The following RARB variants were observed in gnomAD, a reference collection of about 807,000 sequenced individuals.
RARB encodes HBV-activated protein.
In RARB, 17 loss-of-function variants were observed where a neutral mutation model predicts 51.9. That is an observed-to-expected ratio of 0.33 (90% CI 0.22 to 0.49). The LOEUF is 0.49. Ranked by LOEUF, RARB falls within the 20% of genes least tolerant of loss-of-function variation. The probability of loss-of-function intolerance (pLI) is 0.99; values close to 1 mark genes in which losing one functional copy is unlikely to be tolerated. For missense variants in RARB, 369 were observed against 550.8 expected, an observed-to-expected ratio of 0.67 and a Z score of 3.30; for synonymous variants, 215 against 195.4, an observed-to-expected ratio of 1.10 and a Z score of -0.84.
At chr3:24,896,470 A>AG in intron 2 of RARB, among the ~76,000 whole-genome samples, 1 of 152,206 alleles carries the variant, frequency 6.6e-6, no homozygotes, top group South Asian at 2.1e-4. Context: ...AGTGTTAGCC[A>AG]GGATGGTCTC....
At chr3:25,312,390 T>G (rs1704312179) in intron 5 of RARB, among the ~76,000 whole-genome samples, 1 of 152,120 alleles carries the variant, frequency 6.6e-6, no homozygotes, top group Non-Finnish European at 1.5e-5. Context: ...GACCTAAGAT[T>G]TTGAGAAGTT....
At chr3:25,245,175 C>T (rs1366764380) in intron 5 of RARB, among the ~76,000 whole-genome samples, 2 of 152,068 alleles carry the variant, frequency 1.3e-5, no homozygotes, top group Non-Finnish European at 1.5e-5. Context: ...TCCTCCATCC[C>T]TTTATTTTGA....
At chr3:24,970,422 T>C (rs1382377491) in intron 2 of RARB, among the ~76,000 whole-genome samples, 1 of 152,034 alleles carries the variant, frequency 6.6e-6, no homozygotes, top group Non-Finnish European at 1.5e-5. Context: ...TCTTTATAAT[T>C]AGTCCATACT....
At chr3:25,537,050 G>A (rs962865339) in intron 3 of RARB, among the ~76,000 whole-genome samples, 21 of 152,210 alleles carry the variant, frequency 1.4e-4, no homozygotes, top group African/African-American at 4.1e-4. Flanking sequence ...AGCTGACTCC[G>A]GGGCCTCTCT....
At chr3:25,228,227 T>G (rs1053316097) in intron 5 of RARB, among the ~76,000 whole-genome samples, 22 of 151,126 alleles carry the variant, frequency 1.5e-4, no homozygotes, top group Admixed American at 1.3e-3. Context: ...GTTTTTTTTT[T>G]TTTTTTTTTT....
intron 4 of RARB, among the ~76,000 whole-genome samples, chr3:25,156,421 G>A (rs753940932): frequency 2.3e-4 from 33 of 142,474 alleles, no homozygotes; most frequent in Non-Finnish European, 4.2e-4. Flanking sequence ...TCATGGAAAT[G>A]TGGCCATTCA....
chr3:25,069,685 T>A (rs1698730673), intron 3 of RARB, among the ~76,000 whole-genome samples: 1 of 152,186 alleles, frequency 6.6e-6, no homozygotes, highest in African/African-American at 2.4e-5. Flanking sequence ...ATCTGGCATA[T>A]GTCAAGAACA....
chr3:25,196,974 G>C (rs1398106839), intron 5 of RARB, among the ~76,000 whole-genome samples: 1 of 152,088 alleles, frequency 6.6e-6, no homozygotes, highest in South Asian at 2.1e-4. Flanking sequence ...TTAGCCCTTT[G>C]TCAGATGGAT....
At chr3:25,380,820 C>T (rs1220661358) in intron 5 of RARB, among the ~76,000 whole-genome samples, 1 of 152,148 alleles carries the variant, frequency 6.6e-6, no homozygotes, top group Non-Finnish European at 1.5e-5. Flanking sequence ...ATTCACTCAT[C>T]GTGACTGGTT....
At chr3:24,959,157 C>G (rs1028141730) in intron 2 of RARB, among the ~76,000 whole-genome samples, 2 of 152,212 alleles carry the variant, frequency 1.3e-5, no homozygotes, top group Non-Finnish European at 2.9e-5. Flanking sequence ...GGCCCTCTGC[C>G]TTTTCATGTG....
chr3:25,086,770 G>GT (rs1381181275), intron 3 of RARB, among the ~76,000 whole-genome samples: 1 of 152,120 alleles, frequency 6.6e-6, no homozygotes, highest in Non-Finnish European at 1.5e-5. Flanking sequence ...GGTTGAAAGA[G>GT]TTTATCTAAA....
intron 1 of RARB, among the ~76,000 whole-genome samples, chr3:24,832,823 C>T (rs1370871550): frequency 2.0e-5 from 3 of 151,804 alleles, no homozygotes; most frequent in Non-Finnish European, 4.4e-5. Context: ...GTTATTTAAC[C>T]TCTCTGAACC....
intron 5 of RARB, among the ~76,000 whole-genome samples, chr3:25,240,484 T>C (rs914887929): frequency 2.6e-5 from 4 of 152,180 alleles, no homozygotes; most frequent in African/African-American, 4.8e-5. Flanking sequence ...TGGCCTTTAT[T>C]ATATTTTGTG....
In RARB at chr3:25,372,268, T is replaced by C. The variant is rs976266263; in HGVS notation, c.179-88925T>C. 2.0e-5 allele frequency among the ~76,000 whole-genome samples: 3 copies of C among 152,096 alleles called. No homozygotes were observed. The South Asian group carries it at 6.2e-4, about 32-fold the overall frequency. ...TCTTTGCTGTGAGGCCTGTCCTATG[T>C]ATTGTAGGATATTTAGCAACATCCC... On this transcript the variant is annotated intron_variant, in intron 5 of 11. Coordinates refer to the RARB transcript ENST00000383772.
At chr3:25,335,265 TCTCTC>T (rs199721595) in intron 5 of RARB, among the ~76,000 whole-genome samples, 9,203 of 116,204 alleles carry the variant, frequency 0.079, 295 homozygotes, top group African/African-American at 0.12. Flanking sequence ...CTCTCTTATG[TCTCTC>T]ATGATGACAC....
chr3:24,949,720 T>G lies in RARB; in HGVS notation c.-380+90968T>G, dbSNP rs569432170. Among the ~76,000 whole-genome samples, 10 of 152,318 alleles carry G rather than the reference T, an allele frequency of 6.6e-5. No homozygotes were observed. In the South Asian group the frequency reaches 1.2e-3, roughly 19 times the overall value. ...GATCTTAGCATTCCTGGGATTCCCC[T>G]CTGTGCCGGACATTACGCTACAGTC... On this transcript the variant is annotated intron_variant, in intron 2 of 11. Coordinates refer to the RARB transcript ENST00000383772.
At chr3:25,291,899 T>C (rs1267156007) in intron 5 of RARB, among the ~76,000 whole-genome samples, 1 of 152,184 alleles carries the variant, frequency 6.6e-6, no homozygotes, top group Non-Finnish European at 1.5e-5. Flanking sequence ...CCTTTTGTTC[T>C]GAACTTGGAA....
intron 2 of RARB, among the ~76,000 whole-genome samples, chr3:25,039,522 A>G (rs1698070557): frequency 6.6e-6 from 1 of 152,210 alleles, no homozygotes; most frequent in Non-Finnish European, 1.5e-5. Context: ...GTGAGGAGAT[A>G]GGTATGATCC....
intron 5 of RARB, among the ~76,000 whole-genome samples, chr3:25,225,758 A>G (rs1181160788): frequency 6.6e-6 from 1 of 152,172 alleles, no homozygotes; most frequent in Admixed American, 6.5e-5. Context: ...ACCAACACCA[A>G]TATTGACAGT....
Sources: allele counts gnomAD v4.1 joint callset (sites outside exome capture counted in the v4.1 genomes callset), GRCh38; gene constraint gnomAD v4.1.1; transcripts MANE v1.5; gene names NCBI Gene and HGNC (gene_info 2026-07-23, HGNC 2026-07-21).